Variants in SLC9C2 observed in about 807,000 individuals in gnomAD.
SLC9C2 encodes sodium/hydrogen exchanger 11.
SLC9C2 carries 75 observed loss-of-function variants against 140.2 expected under a neutral mutation model. The ratio of observed to expected loss-of-function variants is 0.53; its 90% confidence interval spans 0.44 to 0.65. The LOEUF (loss-of-function observed/expected upper bound fraction) is 0.65, where lower values mean the gene tolerates loss of function less well. Among genes scored for constraint, SLC9C2 ranks in the 30% least tolerant of loss-of-function variants. The probability of loss-of-function intolerance (pLI) is 0.00; values close to 1 mark genes in which losing one functional copy is unlikely to be tolerated. For synonymous variants in SLC9C2, 375 were observed against 420.9 expected (o/e 0.89, Z 1.34); for missense variants, 1,074 against 1,331.8 (o/e 0.81, Z 3.01).
intron 20 of SLC9C2, among the ~76,000 whole-genome samples, chr1:173,524,504 T>C (rs1661059507): frequency 6.6e-6 from 1 of 152,234 alleles, no homozygotes; most frequent in African/African-American, 2.4e-5. Context: ...GTGGGTTCTA[T>C]AAAGTACTCT....
At chr1:173,549,076 C>T (rs1663071693) in intron 11 of SLC9C2, among the ~76,000 whole-genome samples, 1 of 152,108 alleles carries the variant, frequency 6.6e-6, no homozygotes, top group Non-Finnish European at 1.5e-5. Flanking sequence ...AAATTTGAAG[C>T]ATTTTGTATT....
rs534221406 is a variant in SLC9C2, at chr1:173,508,557, C to A, written c.3039+1011G>T. On this transcript the variant is annotated intron_variant, in intron 24 of 27. Transcript: ENST00000367714. ...AAAAGGAAAAGAGAAGAATTCCAAT[C>A]CCCTTATCCCTCTGCTAAAATTTTT... Among the ~76,000 whole-genome samples, 28 of 152,274 alleles carry A rather than the reference C, an allele frequency of 1.8e-4. No homozygotes were observed. The East Asian group carries it at 2.3e-3, about 13-fold the overall frequency.
At chr1:173,503,203 T>C in intron 27 of SLC9C2, 63 bp downstream of exon 27, 1 of 1,414,816 alleles carries the variant, frequency 7.1e-7, no homozygotes, top group South Asian at 1.2e-5. Flanking sequence ...TCAATTTATT[T>C]TAGCTGTATA....
At chr1:173,552,426 T>C (rs1027625181) in intron 11 of SLC9C2, among the ~76,000 whole-genome samples, 5 of 152,228 alleles carry the variant, frequency 3.3e-5, no homozygotes, top group African/African-American at 9.6e-5. Context: ...TGACTTTCAT[T>C]ACTAAAAAGG....
intron 9 of SLC9C2, among the ~76,000 whole-genome samples, chr1:173,567,338 C>T (rs1664536273): frequency 6.6e-6 from 1 of 152,064 alleles, no homozygotes; most frequent in South Asian, 2.1e-4. Flanking sequence ...TATCTGGGTG[C>T]TCCAGTGTTG....
At chr1:173,529,236 T>G (rs1455124966) in intron 18 of SLC9C2, among the ~76,000 whole-genome samples, 2 of 152,132 alleles carry the variant, frequency 1.3e-5, no homozygotes, top group East Asian at 1.9e-4. Flanking sequence ...GTTTTTTATC[T>G]AAAGAATGCG....
At chr1:173,586,883 G>T (rs1349280167) in intron 5 of SLC9C2, among the ~76,000 whole-genome samples, 7 of 152,156 alleles carry the variant, frequency 4.6e-5, no homozygotes, top group Admixed American at 4.6e-4. Flanking sequence ...CTGTTGGGGG[G>T]TGGAGGTGAG....
chr1:173,581,994 T>G lies in SLC9C2; in HGVS notation c.655A>C (p.Ile219Leu), dbSNP rs150906421. ...CCCAAAATGTCATAGCTGAGTTCAA[T>G]GCCTACATGTAAATCTAAAAAAAAG... ...FSIFRDLHVG[I>L]ELSYDILGSI... Residue 219 changes from isoleucine to leucine, a missense_variant, in exon 7 of 28, where the codon ATT (isoleucine) becomes CTT (leucine). Ile to Leu is a conservative substitution (Grantham distance 5). Coordinates refer to ENST00000367714, the MANE Select transcript of SLC9C2 (RefSeq NM_178527.4). 6.4e-7 allele frequency: 1 copy of G among 1,552,032 alleles called. No homozygotes were observed. The highest frequency in any genetic ancestry group is 1.4e-5 in the African/African-American group (1 of 72,568).
chr1:173,584,956 T>C (rs1665763575), intron 5 of SLC9C2, among the ~76,000 whole-genome samples: 1 of 152,198 alleles, frequency 6.6e-6, no homozygotes, highest in Non-Finnish European at 1.5e-5. Context: ...CCACAATGAA[T>C]TATATTCATT....
At chr1:173,574,592 G>A (rs988794784) in intron 8 of SLC9C2, among the ~76,000 whole-genome samples, 1 of 141,564 alleles carries the variant, frequency 7.1e-6, no homozygotes, top group Non-Finnish European at 1.5e-5. Context: ...CTCACTGCAA[G>A]CTCCACCTCC....
At chr1:173,538,048 C>G (rs942054632) in intron 13 of SLC9C2, among the ~76,000 whole-genome samples, 3 of 152,180 alleles carry the variant, frequency 2.0e-5, no homozygotes, top group African/African-American at 7.2e-5. Context: ...AGAATTCACA[C>G]CACTTATATC....
rs778773338 is a variant in SLC9C2 at position 173,600,100 on chromosome 1, T to C, written c.228+17A>G. The C allele has an allele frequency of 2.6e-6, 4 of 1,519,594 alleles. No homozygotes were observed. In the Admixed American group the frequency reaches 7.4e-5, roughly 28 times the overall value. 94.1% of individuals were successfully genotyped at this position (1,519,594 alleles called of 1,614,324 possible). On this transcript the variant is annotated intron_variant, in intron 3 of 27. Transcript: ENST00000367714. ...GCATTTTTTCCTTTATTCTCTAATT[T>C]ATTGTACATACAGTACCTCAACAGA... is the stretch of plus-strand genomic sequence containing the variant.
chr1:173,537,605 TA>T (rs1662069144), intron 13 of SLC9C2, among the ~76,000 whole-genome samples: 5 of 69,598 alleles, frequency 7.2e-5, no homozygotes, highest in African/African-American at 3.8e-4. Flanking sequence ...TGTGTATATA[TA>T]TGTATATATA....
chr1:173,574,633 C>T (rs1665047018), intron 8 of SLC9C2, among the ~76,000 whole-genome samples: 1 of 151,142 alleles, frequency 6.6e-6, no homozygotes, highest in Non-Finnish European at 1.5e-5. Context: ...GCCTCAGACT[C>T]CTGAGTAGCT....
At chr1:173,507,158 C>T in intron 24 of SLC9C2, 117 bp from the exon 25 acceptor site, 1 of 774,434 alleles carries the variant, frequency 1.3e-6, no homozygotes, top group African/African-American at 1.8e-5. Context: ...GTACACAGCC[C>T]CTGGCACCAA....
At chr1:173,511,767 G>C (rs1026562014) in intron 23 of SLC9C2, among the ~76,000 whole-genome samples, 1 of 152,120 alleles carries the variant, frequency 6.6e-6, no homozygotes, top group African/African-American at 2.4e-5. Context: ...TTTTCTTCTA[G>C]GGTTTTTATG....
chr1:173,550,628 G>A (rs1210387709), intron 11 of SLC9C2, among the ~76,000 whole-genome samples: 3 of 151,528 alleles, frequency 2.0e-5, no homozygotes, highest in Non-Finnish European at 2.9e-5. Flanking sequence ...TAGTAGCAAC[G>A]GGGTTTCACC....
In SLC9C2 at chr1:173,521,408, GAAA is replaced by G. The variant is rs372580543; in HGVS notation, c.2641-12_2641-10del. 7 of 1,130,866 alleles carry G rather than the reference GAAA, an allele frequency of 6.2e-6. No homozygotes were observed. Among genetic ancestry groups the G allele is most frequent in the East Asian group, 3.5e-5 (1 of 28,780 alleles). The allele number at this position is 1,130,866 out of a possible 1,614,324, so 70.1% of individuals were successfully genotyped here. ...GCAAGTTTGGCTCTTTCCTGAGTGG[GAAA>G]AAAAAAAACGAAAAGAAAAAGAGAG... is the stretch of plus-strand genomic sequence containing the variant. On this transcript the variant is annotated splice_polypyrimidine_tract_variant and intron_variant, in intron 21 of 27. Coordinates refer to ENST00000367714, the MANE Select transcript of SLC9C2 (RefSeq NM_178527.4).
At chr1:173,600,313 C>T (rs1666707889) in intron 2 of SLC9C2, 96 bp from the exon 3 acceptor site, 2 of 609,994 alleles carry the variant, frequency 3.3e-6, no homozygotes, top group Non-Finnish European at 5.3e-6. Flanking sequence ...AAGTCAAGAC[C>T]TTCTGTATTC....
Sources: allele counts gnomAD v4.1 joint callset (sites outside exome capture counted in the v4.1 genomes callset), GRCh38; gene constraint gnomAD v4.1.1; transcripts MANE v1.5; gene names NCBI Gene and HGNC (gene_info 2026-07-23, HGNC 2026-07-21).